ATG10: variants seen among roughly 807,000 people sequenced by gnomAD.
ATG10 encodes ubiquitin-like-conjugating enzyme ATG10.
In ATG10, 30 loss-of-function variants were observed where a neutral mutation model predicts 32.1. The observed-to-expected ratio is 0.94, with a 90% CI of 0.70 to 1.27. ATG10 has a LOEUF of 1.27. ATG10 is among the 50% of genes most tolerant of loss of function. ATG10 has a pLI of 0.00. For missense variants in ATG10, 233 were observed against 262.3 expected, an observed-to-expected ratio of 0.89 and a Z score of 0.77; for synonymous variants, 87 against 91.5, an observed-to-expected ratio of 0.95 and a Z score of 0.28.
intron 2 of ATG10, among the ~76,000 whole-genome samples, chr5:81,997,034 A>G (rs866007604): frequency 6.6e-6 from 1 of 152,302 alleles, no homozygotes; most frequent in Middle Eastern, 3.4e-3. Context: ...TGGTGCACAC[A>G]CACACATGGA....
Position 82,255,514 on chromosome 5 carries a change from A to G in ATG10, c.*1451A>G, listed in dbSNP as rs1041700154. On this transcript the variant is annotated 3_prime_UTR_variant, in exon 8 of 8. Transcript: ENST00000282185. ...TAGTGTGTCTTTGAATGAGGGATAT[A>G]CTTAAAATCACCTGAGGATCGTTTA... 1 of 152,158 alleles carries G rather than the reference A, an allele frequency of 6.6e-6. No homozygotes were observed. The highest frequency in any genetic ancestry group is 1.5e-5 in the Non-Finnish European group (1 of 68,034). The allele number at this position is 152,158 out of a possible 1,614,324, so 9.4% of individuals were successfully genotyped here.
chr5:82,021,609 G>A (rs1051693624), intron 2 of ATG10, among the ~76,000 whole-genome samples: 8 of 152,206 alleles, frequency 5.3e-5, no homozygotes, highest in African/African-American at 1.4e-4. Flanking sequence ...TCAGCCGGGC[G>A]TGGTGGCTCA....
intron 2 of ATG10, among the ~76,000 whole-genome samples, chr5:82,027,075 AAAATAAATAAAT>A (rs10601125): frequency 1.3e-4 from 19 of 144,828 alleles, no homozygotes; most frequent in South Asian, 4.6e-4. Flanking sequence ...ATGAATAAAT[AAAATAAATAAAT>A]AAATAAATAA....
intron 3 of ATG10, among the ~76,000 whole-genome samples, chr5:82,124,534 C>T (rs1293415211): frequency 5.3e-5 from 8 of 151,604 alleles, no homozygotes; most frequent in African/African-American, 1.5e-4. Context: ...CATTTATAAG[C>T]GAGAACATGT....
chr5:82,166,701 A>C (rs2149903640), intron 4 of ATG10, among the ~76,000 whole-genome samples: 1 of 152,044 alleles, frequency 6.6e-6, no homozygotes, highest in African/African-American at 2.4e-5. Flanking sequence ...AATCTCTGTC[A>C]GTGTGGTGAA....
intron 2 of ATG10, among the ~76,000 whole-genome samples, chr5:82,012,428 G>A (rs938404588): frequency 1.3e-5 from 2 of 152,026 alleles, no homozygotes; most frequent in African/African-American, 4.8e-5. Flanking sequence ...ACTTTCTTTT[G>A]TGATTTTTAT....
At chr5:82,226,336 A>G (rs533286642) in intron 5 of ATG10, among the ~76,000 whole-genome samples, 38 of 152,094 alleles carry the variant, frequency 2.5e-4, no homozygotes, top group Non-Finnish European at 3.7e-4. Flanking sequence ...TCCACACTGC[A>G]TCTTACTAGG....
At chr5:82,163,784 A>G (rs1480277638) in intron 3 of ATG10, among the ~76,000 whole-genome samples, 2 of 152,242 alleles carry the variant, frequency 1.3e-5, no homozygotes, top group East Asian at 3.9e-4. Flanking sequence ...TCAAGTTGAC[A>G]TTAATATTTG....
intron 3 of ATG10, among the ~76,000 whole-genome samples, chr5:82,061,407 T>G (rs1763768366): frequency 6.6e-6 from 1 of 152,004 alleles, no homozygotes; most frequent in Non-Finnish European, 1.5e-5. Context: ...GGAATTTGCT[T>G]TAAAAGTATA....
intron 1 of ATG10, among the ~76,000 whole-genome samples, chr5:81,983,263 G>A (rs957311657): frequency 6.7e-6 from 1 of 148,500 alleles, no homozygotes; most frequent in Non-Finnish European, 1.5e-5. Flanking sequence ...CTCCTGGACG[G>A]GGTGGCTGGC....
intron 5 of ATG10, among the ~76,000 whole-genome samples, chr5:82,236,263 G>C (rs576648553): frequency 2.4e-4 from 37 of 152,116 alleles, no homozygotes; most frequent in African/African-American, 8.9e-4. Flanking sequence ...TAATGGTCTT[G>C]GTGGTTATCT....
At chr5:82,042,385 C>T (rs1198861910) in intron 2 of ATG10, among the ~76,000 whole-genome samples, 2 of 152,170 alleles carry the variant, frequency 1.3e-5, no homozygotes, top group Non-Finnish European at 1.5e-5. Flanking sequence ...TTACCAGGCC[C>T]CTCCTACAAT....
At chr5:82,141,650 TAA>T (rs377307726) in intron 3 of ATG10, among the ~76,000 whole-genome samples, 2 of 149,958 alleles carry the variant, frequency 1.3e-5, no homozygotes, top group Non-Finnish European at 3.0e-5. Flanking sequence ...TTACTTTAGA[TAA>T]AAAAAAAAGG....
chr5:81,988,389 T>G (rs1310571444), intron 2 of ATG10, among the ~76,000 whole-genome samples: 4 of 152,216 alleles, frequency 2.6e-5, no homozygotes, highest in African/African-American at 4.8e-5. Flanking sequence ...TCCACCCGCC[T>G]CAGCCTCCCA....
chr5:82,059,173 T>C (rs1763692299), intron 3 of ATG10, among the ~76,000 whole-genome samples: 1 of 152,186 alleles, frequency 6.6e-6, no homozygotes, highest in African/African-American at 2.4e-5. Flanking sequence ...ATTATGGTAC[T>C]AATGACTGAG....
chr5:81,984,838 CAA>C (rs1415320001), intron 1 of ATG10, among the ~76,000 whole-genome samples: 4 of 152,104 alleles, frequency 2.6e-5, no homozygotes, highest in Admixed American at 6.5e-5. Context: ...ATCAAAAAAA[CAA>C]TAATTATTCC....
intron 3 of ATG10, among the ~76,000 whole-genome samples, chr5:82,122,651 T>TAAACAAATTTACAATAGA (rs1766089287): frequency 1.3e-5 from 2 of 152,170 alleles, no homozygotes; most frequent in South Asian, 4.1e-4. Context: ...ATAAGGACCT[T>TAAACAAATTTACAATAGA]AAACAAATTT....
intron 1 of ATG10, among the ~76,000 whole-genome samples, chr5:81,985,642 T>TC (rs1761242004): frequency 6.6e-6 from 1 of 152,218 alleles, no homozygotes; most frequent in Non-Finnish European, 1.5e-5. Flanking sequence ...CTCTCCCCTG[T>TC]CCCTCACCAA....
intron 2 of ATG10, among the ~76,000 whole-genome samples, chr5:82,040,313 A>G (rs969017502): frequency 6.6e-6 from 1 of 152,252 alleles, no homozygotes; most frequent in African/African-American, 2.4e-5. Flanking sequence ...CTTTTGATAC[A>G]TCAAATTAGC....
Sources: allele counts gnomAD v4.1 joint callset (sites outside exome capture counted in the v4.1 genomes callset), GRCh38; gene constraint gnomAD v4.1.1; transcripts MANE v1.5; gene names NCBI Gene and HGNC (gene_info 2026-07-23, HGNC 2026-07-21).